The following PPL variants were observed in gnomAD, a reference collection of about 807,000 sequenced individuals.
The protein encoded by PPL is 190 kDa paraneoplastic pemphigus antigen.
PPL carries 198 observed loss-of-function variants against 194.4 expected under a neutral mutation model. The ratio of observed to expected loss-of-function variants is 1.02; its 90% CI spans 0.91 to 1.15. PPL has a LOEUF of 1.15. Ranked by LOEUF, PPL falls within the 50% of genes most tolerant of loss-of-function variation. The pLI is 0.00. For missense variants in PPL, 2,885 were observed against 2,294.8 expected, an observed-to-expected ratio of 1.26 and a Z score of -5.25; for synonymous variants, 1,220 against 972.4, an observed-to-expected ratio of 1.25 and a Z score of -4.74.
rs759206400 is a variant in PPL, at chr16:4,883,739, C to T, written c.4916G>A (p.Arg1639His). The change falls in exon 22 of 22, where the codon CGC (arginine) becomes CAC (histidine). Residue 1639 changes from arginine (R) to histidine (H), a missense_variant. Arg to His is a conservative substitution (Grantham distance 29, BLOSUM62 0). Transcript: ENST00000345988. The surrounding 1 kb of genome is among the most constrained non-coding windows in gnomAD (Gnocchi z 4.8). ...CCGCTTGACGGCCACGGAGCCCAGG[C>T]GCTTCTGCAGCTCGTCGATCTCGAG... ...KDLEIDELQK[R>H]LGSVAVKREQ... 21 of 1,614,004 alleles carry T rather than the reference C, an allele frequency of 1.3e-5. No individual in the cohort carries two copies. Among genetic ancestry groups the T allele is most frequent in the South Asian group, 2.2e-5 (2 of 91,092 alleles).
In PPL at chr16:4,883,728, C is replaced by T. The variant is rs748593430; in HGVS notation, c.4927G>A (p.Val1643Met). The T allele has an allele frequency of 2.3e-5, 37 of 1,613,896 alleles. No individual in the cohort carries two copies. The highest frequency in any genetic ancestry group is 4.5e-5 in the East Asian group (2 of 44,884). ...IDELQKRLGS[V>M]AVKREQRENH... is the part of the protein sequence containing the mutation. ...TCCCGCTGCTCCCGCTTGACGGCCA[C>T]GGAGCCCAGGCGCTTCTGCAGCTCG... The change falls in exon 22 of 22, where the codon GTG becomes ATG. Residue 1643 changes from valine to methionine, a missense_variant. Physicochemically the swap from Val to Met is conservative, Grantham distance 21. Coordinates refer to ENST00000345988, the MANE Select transcript of PPL (RefSeq NM_002705.5). The surrounding 1 kb of genome is among the most constrained non-coding windows in gnomAD (Gnocchi z 4.8).
chr16:4,915,570 G>A (rs1036694373), intron 1 of PPL, among the ~76,000 whole-genome samples: 3 of 152,198 alleles, frequency 2.0e-5, no homozygotes, highest in African/African-American at 7.2e-5. Context: ...CACTTGCTCA[G>A]GGTCACACAG....
chr16:4,894,376 G>A (rs953912028), intron 12 of PPL, 91 bp downstream of exon 12: 5 of 1,516,634 alleles, frequency 3.3e-6, no homozygotes, highest in Non-Finnish European at 3.6e-6. Context: ...CTCCCCACAG[G>A]CTGAGTCCAA....
intron 9 of PPL, 114 bp from the exon 10 acceptor site, chr16:4,895,830 G>A (rs2088417272): frequency 1.6e-5 from 23 of 1,421,742 alleles, no homozygotes; most frequent in Non-Finnish European, 2.0e-5. Context: ...TTCACCTGGA[G>A]TCCAGCATGG....
chr16:4,883,722 C>T lies in PPL; in HGVS notation c.4933G>A (p.Val1645Ile), dbSNP rs140989167. 3.1e-5 allele frequency: 50 copies of T among 1,613,830 alleles called. 1 individual carries two copies. Among genetic ancestry groups the T allele is most frequent in the Middle Eastern group, 1.6e-4 (1 of 6,082 alleles). Residue 1645 changes from valine (V) to isoleucine (I), a missense_variant, in exon 22 of 22, where the codon GTC becomes ATC. Transcript: ENST00000345988. The surrounding 1 kb of genome is among the most constrained non-coding windows in gnomAD (Gnocchi z 4.8). ...TGGTTCTCCCGCTGCTCCCGCTTGA[C>T]GGCCACGGAGCCCAGGCGCTTCTGC... ...ELQKRLGSVA[V>I]KREQRENHLR...
In PPL at chr16:4,893,369, A is replaced by G. The variant is rs770388368; in HGVS notation, c.1494T>C (p.Asp498=). 5 of 1,606,254 alleles carry G rather than the reference A, an allele frequency of 3.1e-6. No homozygotes were observed. The highest frequency in any genetic ancestry group is 4.2e-6 in the Non-Finnish European group (5 of 1,179,610). ...YEVLKTENPG[D]ASDLQGRQLL... is the part of the protein sequence containing the mutation. ...GCTGCCGCCCCTGTAGGTCAGAGGC[A>G]TCTGTGGAGGGAGGGAGGACACAGG... Residue 498 remains aspartate, a splice_region_variant and synonymous_variant, in exon 14 of 22, where the codon GAT becomes GAC. Transcript: ENST00000345988.
chr16:4,889,195 G>T, intron 18 of PPL, 134 bp from the exon 19 acceptor site: 39 of 420,772 alleles, frequency 9.3e-5, no homozygotes, highest in South Asian at 1.3e-4. Flanking sequence ...TGGCTCCCTT[G>T]TATACATTTT....
At position 4,900,986 on chromosome 16, in the gene PPL, T is replaced by G. The variant is rs1256318249; in HGVS notation, c.542A>C (p.His181Pro). 6.2e-7 allele frequency: 1 copy of G among 1,614,106 alleles called. No homozygotes were observed. The highest frequency in any genetic ancestry group is 8.5e-7 in the Non-Finnish European group (1 of 1,180,016). The change falls in exon 5 of 22, where the codon CAC becomes CCC. Residue 181 changes from histidine (H) to proline (P), a missense_variant. Physicochemically the swap from His to Pro is moderately conservative, Grantham distance 77. Coordinates refer to ENST00000345988, the MANE Select transcript of PPL (RefSeq NM_002705.5). ...FHNEVKAIGP[H>P]LAKDGDKEQN... ...CACCTTGTCCCCGTCCTTGGCCAGG[T>G]GGGGCCCGATGGCCTTGACCTCATT...
At chr16:4,916,841 A>C (rs1293450679) in intron 1 of PPL, among the ~76,000 whole-genome samples, 1 of 151,764 alleles carries the variant, frequency 6.6e-6, no homozygotes, top group Non-Finnish European at 1.5e-5. Context: ...ATGAAAACCT[A>C]TGTCTGGGCT....
intron 1 of PPL, 120 bp from the exon 2 acceptor site, chr16:4,911,069 G>C: frequency 1.4e-6 from 1 of 735,622 alleles, no homozygotes. Flanking sequence ...GCTGCCCACA[G>C]AGCCTTTGAG....
At chr16:4,919,261 C>A (rs550325569) in intron 1 of PPL, among the ~76,000 whole-genome samples, 2 of 152,190 alleles carry the variant, frequency 1.3e-5, no homozygotes, top group Non-Finnish European at 2.9e-5. Context: ...AGGTCCCGGA[C>A]GTGAAGTCAC....
intron 1 of PPL, among the ~76,000 whole-genome samples, chr16:4,920,740 T>A (rs1333368065): frequency 1.3e-5 from 2 of 152,144 alleles, no homozygotes; most frequent in Non-Finnish European, 2.9e-5. Context: ...GAATTACAGG[T>A]GTCAACCACC....
chr16:4,908,240 C>T (rs1381141927), intron 2 of PPL, among the ~76,000 whole-genome samples: 1 of 151,500 alleles, frequency 6.6e-6, no homozygotes. Context: ...GCCTGTAAAT[C>T]CCAGCACTTT....
intron 5 of PPL, 25 bp downstream of exon 5, chr16:4,900,937 TCC>T: frequency 6.2e-7 from 1 of 1,613,550 alleles, no homozygotes; most frequent in Admixed American, 1.7e-5. Flanking sequence ...CATCCCTGGG[TCC>T]CCACCACACC....
intron 17 of PPL, 125 bp downstream of exon 17, chr16:4,890,603 G>C (rs1188852020): frequency 3.3e-6 from 4 of 1,200,570 alleles, no homozygotes; most frequent in African/African-American, 1.5e-5. Context: ...GGCCGTCAGA[G>C]AATCTGACGA....
rs770656585 is a variant in PPL, at chr16:4,884,479, C to T, written c.4176G>A (p.Leu1392=). 6.2e-6 allele frequency: 10 copies of T among 1,603,046 alleles called. No individual in the cohort carries two copies. In the South Asian group the frequency reaches 8.8e-5, roughly 14 times the overall value. Residue 1392 remains leucine, a synonymous_variant, in exon 22 of 22, where the codon CTG becomes CTA. Transcript: ENST00000345988. The surrounding 1 kb of genome is among the most constrained non-coding windows in gnomAD (Gnocchi z 5.7). ...GCTCAAGCTCGGTGCGCCGGCGCTG[C>T]AGCCGCCGCAGCTCTGCCCGCAGCT... ...IDKLRAELRR[L]QRRRTELERQ...
intron 20 of PPL, 43 bp downstream of exon 20, chr16:4,888,059 G>T: frequency 7.0e-7 from 1 of 1,438,064 alleles, no homozygotes; most frequent in Non-Finnish European, 9.8e-7. Context: ...GGGCAGCTTG[G>T]CCTCCACCTC....
In PPL at chr16:4,883,782, G is replaced by A. The variant is rs1455710951; in HGVS notation, c.4873C>T (p.Leu1625Phe). Residue 1625 changes from leucine to phenylalanine, a missense_variant, in exon 22 of 22, where the codon CTC becomes TTC. Transcript: ENST00000345988. This position sits in a 1 kb window ranked among gnomAD's most constrained non-coding sequence, Gnocchi z 4.8. ...ATCTCGAGGTCTTTGTCCTTGGAGA[G>A]CCTCTTGAGGTCATCCAGTTCCCTC... ...LERELDDLKRLSKDKDLEIDE... is the reference protein window; with the variant it reads ...LERELDDLKRFSKDKDLEIDE... The A allele has an allele frequency of 2.5e-6, 4 of 1,614,006 alleles. No individual in the cohort carries two copies. The highest frequency in any genetic ancestry group is 2.5e-6 in the Non-Finnish European group (3 of 1,180,044).
intron 20 of PPL, 61 bp downstream of exon 20, chr16:4,888,041 G>A (rs2088246235): frequency 1.6e-6 from 2 of 1,217,358 alleles, no homozygotes; most frequent in South Asian, 1.2e-5. Flanking sequence ...CATGCTCCCT[G>A]GGGAGCAGGG....
Sources: gnomAD v4.1 joint callset for allele counts (sites outside exome capture counted in the v4.1 genomes callset) on GRCh38, gnomAD v4.1.1 for gene constraint, Gnocchi (gnomAD v3.1) non-coding constraint, MANE v1.5 for transcripts, NCBI Gene and HGNC (gene_info 2026-07-23, HGNC 2026-07-21) for gene names.